PLXNA2: variants seen among roughly 807,000 people sequenced by gnomAD.
The protein encoded by PLXNA2 is plexin-A2.
In PLXNA2, 91 loss-of-function variants were observed where a neutral mutation model predicts 193.5. The observed-to-expected ratio is 0.47, with a 90% CI of 0.40 to 0.56. The LOEUF (loss-of-function observed/expected upper bound fraction) is 0.56. PLXNA2 is among the 20% of genes least tolerant of loss of function. PLXNA2 has a pLI of 0.00. For missense variants in PLXNA2, 1,995 were observed against 2,503.2 expected (o/e 0.80, Z 4.33); for synonymous variants, 997 against 1,027.3 (o/e 0.97, Z 0.56).
intron 8 of PLXNA2, among the ~76,000 whole-genome samples, chr1:208,094,167 T>C (rs1383288154): frequency 6.6e-6 from 1 of 152,238 alleles, no homozygotes; most frequent in East Asian, 1.9e-4. Flanking sequence ...ATCTTATGAT[T>C]CAGCAAGTAA....
chr1:208,140,642 A>T (rs988835150), intron 4 of PLXNA2, among the ~76,000 whole-genome samples: 14 of 152,324 alleles, frequency 9.2e-5, no homozygotes, highest in African/African-American at 3.1e-4. Flanking sequence ...TCAAATGTTA[A>T]CATGGTGTTA....
At chr1:208,066,353 G>A (rs1665795353) in intron 12 of PLXNA2, among the ~76,000 whole-genome samples, 1 of 152,126 alleles carries the variant, frequency 6.6e-6, no homozygotes, top group South Asian at 2.1e-4. Flanking sequence ...CCCCTCCTCT[G>A]CCCGCCCCTC....
At chr1:208,076,057 CA>C (rs750601110) in intron 12 of PLXNA2, among the ~76,000 whole-genome samples, 2,534 of 59,302 alleles carry the variant, frequency 0.043, 61 homozygotes, top group African/African-American at 0.13. Flanking sequence ...GACCCTGTCT[CA>C]AAAAAAAAAA....
chr1:208,216,537 C>A (rs1353426310), intron 2 of PLXNA2, among the ~76,000 whole-genome samples, 198 bp downstream of exon 2: 1 of 152,208 alleles, frequency 6.6e-6, no homozygotes, highest in African/African-American at 2.4e-5. Context: ...GAAATGACAA[C>A]AAATCAACAC....
chr1:208,072,881 A>G (rs1666018548), intron 12 of PLXNA2, among the ~76,000 whole-genome samples: 1 of 152,160 alleles, frequency 6.6e-6, no homozygotes, highest in Non-Finnish European at 1.5e-5. Context: ...AAGTTCCAAG[A>G]GGATTCTGAT....
intron 4 of PLXNA2, among the ~76,000 whole-genome samples, chr1:208,112,525 T>C (rs1308880789): frequency 6.6e-6 from 1 of 152,210 alleles, no homozygotes; most frequent in Non-Finnish European, 1.5e-5. Flanking sequence ...TGGTGCTCAA[T>C]AGTGGTAGTT....
intron 2 of PLXNA2, among the ~76,000 whole-genome samples, chr1:208,215,929 T>C (rs1671112707): frequency 6.6e-6 from 1 of 152,178 alleles, no homozygotes; most frequent in South Asian, 2.1e-4. Context: ...TCTTTTGCCT[T>C]TGCCCACACT....
At chr1:208,083,264 G>A in intron 10 of PLXNA2, among the ~76,000 whole-genome samples, 1 of 152,130 alleles carries the variant, frequency 6.6e-6, no homozygotes, top group African/African-American at 2.4e-5. Flanking sequence ...CTGTGGCCAG[G>A]AGTCTATGAC....
chr1:208,081,580 G>A (rs1428523020), intron 11 of PLXNA2, among the ~76,000 whole-genome samples: 1 of 152,158 alleles, frequency 6.6e-6, no homozygotes. Context: ...GACTGTCTTG[G>A]TTCCAATCCC....
rs1490574742 is a variant in PLXNA2 at position 208,023,477 on chromosome 1, ACTG to A, written c.*3763_*3765del. 1 of 152,750 alleles carries A rather than the reference ACTG, an allele frequency of 6.5e-6. No individual in the cohort carries two copies. Among genetic ancestry groups the A allele is most frequent in the Non-Finnish European group, 1.5e-5 (1 of 68,158 alleles). The allele number at this position is 152,750 out of a possible 1,614,324, so 9.5% of individuals were successfully genotyped here. ...ACGCTCAGCAGGGCCAGGGGTCTTG[ACTG>A]CTATTTCCTGTCCTCATTTGGTGGA... is the stretch of plus-strand genomic sequence containing the variant. On this transcript the variant is annotated 3_prime_UTR_variant, in exon 32 of 32. Coordinates refer to ENST00000367033, the MANE Select transcript of PLXNA2 (RefSeq NM_025179.4).
intron 29 of PLXNA2, chr1:208,030,410 T>C: frequency 1.0e-6 from 1 of 985,630 alleles, no homozygotes; most frequent in Non-Finnish European, 1.2e-6. Context: ...CTCCCAGCGC[T>C]GGGCCGGGGA....
intron 8 of PLXNA2, among the ~76,000 whole-genome samples, chr1:208,094,918 G>T (rs1474430177): frequency 1.3e-5 from 2 of 152,136 alleles, no homozygotes; most frequent in Non-Finnish European, 2.9e-5. Flanking sequence ...ATTCCTTTAG[G>T]GTTTAGCTGC....
chr1:208,065,831 A>G (rs6656034), intron 12 of PLXNA2, among the ~76,000 whole-genome samples: 98,024 of 152,070 alleles, frequency 0.64, 31,781 homozygotes, highest in Middle Eastern at 0.71. Context: ...CTTTCACCCA[A>G]AATAAGTTTG....
At chr1:208,180,868 G>A (rs1220467303) in intron 3 of PLXNA2, among the ~76,000 whole-genome samples, 1 of 152,204 alleles carries the variant, frequency 6.6e-6, no homozygotes, top group Non-Finnish European at 1.5e-5. Flanking sequence ...GGAAATGGGG[G>A]TAGGAGGGAA....
intron 1 of PLXNA2, among the ~76,000 whole-genome samples, chr1:208,234,618 A>G (rs1558259173): frequency 6.6e-6 from 1 of 152,200 alleles, no homozygotes; most frequent in Admixed American, 6.5e-5. Flanking sequence ...CCCAGCGTCC[A>G]GCTTGGGCTC....
chr1:208,130,307 G>A (rs1393994878), intron 4 of PLXNA2, among the ~76,000 whole-genome samples: 4 of 152,210 alleles, frequency 2.6e-5, no homozygotes, highest in Non-Finnish European at 4.4e-5. Context: ...GCTGGGAGGA[G>A]AAGGGCTTGA....
intron 2 of PLXNA2, among the ~76,000 whole-genome samples, chr1:208,212,208 C>T (rs1243236793): frequency 6.6e-6 from 1 of 152,234 alleles, no homozygotes; most frequent in African/African-American, 2.4e-5. Context: ...CAGGCTGACA[C>T]ACCATCACTC....
chr1:208,132,704 G>T lies in PLXNA2; in HGVS notation c.1506+9625C>A, dbSNP rs1668196144. On this transcript the variant is annotated intron_variant, in intron 4 of 31. Transcript: ENST00000367033. ...GCTGTTTGCAAAGCATGACCTGCAGGGCTTGGCCTGATGATGATGTATGGG... is the reference window on the plus strand; with the variant it reads ...GCTGTTTGCAAAGCATGACCTGCAGTGCTTGGCCTGATGATGATGTATGGG... 2.6e-5 allele frequency among the ~76,000 whole-genome samples: 4 copies of T among 152,050 alleles called. 1 individual carries two copies. In the South Asian group the frequency reaches 8.3e-4, roughly 32 times the overall value.
chr1:208,183,286 G>C (rs562457091), intron 3 of PLXNA2, among the ~76,000 whole-genome samples: 26 of 152,336 alleles, frequency 1.7e-4, no homozygotes, highest in African/African-American at 4.6e-4. Context: ...AGGGCAGTGA[G>C]AGCCCCATGA....
Sources: gnomAD v4.1 joint callset for allele counts (sites outside exome capture counted in the v4.1 genomes callset) on GRCh38, gnomAD v4.1.1 for gene constraint, MANE v1.5 for transcripts, NCBI Gene and HGNC (gene_info 2026-07-23, HGNC 2026-07-21) for gene names.